The following SHTN1 variants were observed in gnomAD, a reference collection of about 807,000 sequenced individuals.
SHTN1 encodes the protein shootin 1, also known as shootin-1.
SHTN1 carries 42 observed loss-of-function variants against 83.1 expected under a neutral mutation model. That is an observed-to-expected ratio of 0.51 (90% CI 0.39 to 0.65). The LOEUF (loss-of-function observed/expected upper bound fraction) is 0.65, where lower values mean the gene tolerates loss of function less well. Ranked by LOEUF, SHTN1 falls within the 30% of genes least tolerant of loss-of-function variation. SHTN1 has a pLI of 0.00. For synonymous variants in SHTN1, 224 were observed against 247.7 expected, an observed-to-expected ratio of 0.90 and a Z score of 0.90; for missense variants, 622 against 737.8, an observed-to-expected ratio of 0.84 and a Z score of 1.82.
chr10:116,992,838 T>C (rs1348130916), intron 1 of SHTN1, among the ~76,000 whole-genome samples: 1 of 152,118 alleles, frequency 6.6e-6, no homozygotes, highest in Non-Finnish European at 1.5e-5. Context: ...GTTATTCAGA[T>C]TACAATGCAT....
chr10:116,988,307 T>TACACACAC (rs372435695), intron 1 of SHTN1, among the ~76,000 whole-genome samples: 1 of 148,284 alleles, frequency 6.7e-6, no homozygotes, highest in Non-Finnish European at 1.5e-5. Context: ...AAAAAGCTAA[T>TACACACAC]ACACACACAC....
intron 1 of SHTN1, among the ~76,000 whole-genome samples, chr10:117,111,982 T>C (rs1027750112): frequency 5.9e-5 from 9 of 152,138 alleles, no homozygotes; most frequent in African/African-American, 1.4e-4. Flanking sequence ...GTTTTTTCTT[T>C]TGAGACAGAA....
intron 16 of SHTN1, among the ~76,000 whole-genome samples, chr10:116,899,428 C>T (rs528460204): frequency 1.3e-5 from 2 of 151,078 alleles, no homozygotes; most frequent in South Asian, 2.1e-4. Flanking sequence ...TACTAGGCAG[C>T]GAAGGGCCTA....
At chr10:117,044,937 T>C (rs1191825738) in intron 2 of SHTN1, among the ~76,000 whole-genome samples, 1 of 152,212 alleles carries the variant, frequency 6.6e-6, no homozygotes, top group African/African-American at 2.4e-5. Context: ...TTCTTAATAC[T>C]TTAACAGTTT....
At chr10:117,036,624 G>A (rs996527970) in intron 2 of SHTN1, among the ~76,000 whole-genome samples, 1 of 152,166 alleles carries the variant, frequency 6.6e-6, no homozygotes, top group African/African-American at 2.4e-5. Flanking sequence ...GTTGCTAGAG[G>A]CTGGGAAGAG....
At chr10:117,001,597 G>A (rs142510049) in intron 1 of SHTN1, among the ~76,000 whole-genome samples, 8 of 152,222 alleles carry the variant, frequency 5.3e-5, no homozygotes, top group African/African-American at 1.7e-4. Context: ...TACTAAGGCA[G>A]GGCAAAATGA....
Position 116,993,772 on chromosome 10 carries a change from T to A in SHTN1, c.58+11250A>T, listed in dbSNP as rs1851528797. ...ACTTTTAAAATAATATATTTTATAA[T>A]ATGTTTGCTTACAAAGGTTTCGCAA... On this transcript the variant is annotated intron_variant, in intron 1 of 16. Transcript: ENST00000355371. Among the ~76,000 whole-genome samples, 3 of 152,294 alleles carry A rather than the reference T, an allele frequency of 2.0e-5. No individual in the cohort carries two copies. The South Asian group carries it at 6.2e-4, about 32-fold the overall frequency.
chr10:117,090,388 C>A (rs557135853), intron 1 of SHTN1, among the ~76,000 whole-genome samples: 1 of 152,048 alleles, frequency 6.6e-6, no homozygotes. Context: ...AGAATTTGGT[C>A]GTCAGGGGCC....
At chr10:117,105,112 G>T (rs1380362970) in intron 1 of SHTN1, among the ~76,000 whole-genome samples, 1 of 151,868 alleles carries the variant, frequency 6.6e-6, no homozygotes, top group African/African-American at 2.4e-5. Context: ...TGAGCCCAAG[G>T]TGATCTCCAA....
chr10:117,058,119 A>T (rs903421622), intron 1 of SHTN1, among the ~76,000 whole-genome samples: 2 of 152,210 alleles, frequency 1.3e-5, no homozygotes, highest in African/African-American at 2.4e-5. Flanking sequence ...ATTGGATTTG[A>T]CAATGATTTC....
chr10:116,980,276 G>A (rs1426406187), intron 1 of SHTN1, among the ~76,000 whole-genome samples: 2 of 152,154 alleles, frequency 1.3e-5, no homozygotes, highest in Non-Finnish European at 2.9e-5. Context: ...GCACCAGAAC[G>A]TCAGTGAATC....
intron 8 of SHTN1, among the ~76,000 whole-genome samples, chr10:116,943,678 C>A (rs78799641): frequency 2.0e-5 from 3 of 152,326 alleles, no homozygotes; most frequent in Admixed American, 2.0e-4. Flanking sequence ...GCTAGCACAG[C>A]TATGCTCAAG....
At chr10:116,978,838 T>C (rs1481097819) in intron 2 of SHTN1, among the ~76,000 whole-genome samples, 3 of 152,218 alleles carry the variant, frequency 2.0e-5, no homozygotes, top group Non-Finnish European at 4.4e-5. Context: ...TATGGAGGTA[T>C]TGGGGCGAAA....
chr10:117,020,736 C>A (rs1441794310), intron 2 of SHTN1, among the ~76,000 whole-genome samples: 5 of 151,938 alleles, frequency 3.3e-5, no homozygotes, highest in Admixed American at 1.3e-4. Context: ...AAAACAGCAT[C>A]TTCTCAACCT....
At chr10:116,970,000 T>C (rs1383168482) in intron 2 of SHTN1, among the ~76,000 whole-genome samples, 2 of 152,210 alleles carry the variant, frequency 1.3e-5, no homozygotes, top group Non-Finnish European at 2.9e-5. Context: ...TAACCTGCCA[T>C]ATAAATATAT....
At chr10:116,908,253 T>A (rs182634662) in intron 14 of SHTN1, among the ~76,000 whole-genome samples, 1 of 152,322 alleles carries the variant, frequency 6.6e-6, no homozygotes, top group African/African-American at 2.4e-5. Flanking sequence ...CATATAATTT[T>A]TTCCTTAGAA....
intron 1 of SHTN1, among the ~76,000 whole-genome samples, chr10:117,058,958 T>A (rs747302067): frequency 6.6e-6 from 1 of 152,208 alleles, no homozygotes; most frequent in African/African-American, 2.4e-5. Flanking sequence ...CAAAGTAGAA[T>A]GTGGTTGCCA....
At chr10:116,951,524 A>T (rs1330970516) in intron 6 of SHTN1, among the ~76,000 whole-genome samples, 1 of 152,208 alleles carries the variant, frequency 6.6e-6, no homozygotes, top group African/African-American at 2.4e-5. Flanking sequence ...GCACAGAGGG[A>T]CAGTCCTTCC....
chr10:117,076,657 A>G (rs747004552), intron 1 of SHTN1, among the ~76,000 whole-genome samples: 3 of 152,244 alleles, frequency 2.0e-5, no homozygotes, highest in Non-Finnish European at 2.9e-5. Flanking sequence ...CATCATTTCA[A>G]ATATCGAAAG....
Sources: allele counts gnomAD v4.1 joint callset (sites outside exome capture counted in the v4.1 genomes callset), GRCh38; gene constraint gnomAD v4.1.1; transcripts MANE v1.5; gene names NCBI Gene and HGNC (gene_info 2026-07-23, HGNC 2026-07-21).